Variants in RNF125 observed in about 807,000 individuals in gnomAD.
RNF125 encodes the protein ring finger protein 125.
A neutral mutation model predicts 26.0 loss-of-function variants in RNF125; 21 were observed. That is an observed-to-expected ratio of 0.81 (90% confidence interval 0.57 to 1.16). The LOEUF (loss-of-function observed/expected upper bound fraction) is 1.16. Among genes scored for constraint, RNF125 ranks in the 50% most tolerant of loss-of-function variants. The pLI, the probability that RNF125 is intolerant of heterozygous loss-of-function variation, is 0.00. For synonymous variants in RNF125, 95 were observed against 109.2 expected (o/e 0.87, Z 0.81); for missense variants, 270 against 299.4 (o/e 0.90, Z 0.72).
intron 1 of RNF125, among the ~76,000 whole-genome samples, chr18:32,022,964 A>T (rs2038998970): frequency 6.6e-6 from 1 of 151,966 alleles, no homozygotes; most frequent in African/African-American, 2.4e-5. Context: ...AACATTAAAC[A>T]TTTCCTTTAT....
chr18:32,052,472 G>T (rs1404125214), intron 4 of RNF125, among the ~76,000 whole-genome samples: 1 of 138,750 alleles, frequency 7.2e-6, no homozygotes, highest in Non-Finnish European at 1.5e-5. Context: ...TAGCCTGGGT[G>T]ACAGAGCGAG....
At chr18:32,045,579 A>G in intron 3 of RNF125, 63 bp from the exon 4 acceptor site, 2 of 1,165,882 alleles carry the variant, frequency 1.7e-6, no homozygotes, top group Non-Finnish European at 2.5e-6. Flanking sequence ...AAAAGAAAAA[A>G]AAAGTGACTA....
intron 4 of RNF125, among the ~76,000 whole-genome samples, chr18:32,047,090 G>A (rs1877842807): frequency 1.3e-5 from 2 of 151,992 alleles, no homozygotes; most frequent in Non-Finnish European, 1.5e-5. Context: ...AGGCTGGAGT[G>A]CAGTGGCTTG....
At chr18:32,027,212 A>C (rs2039045073) in intron 1 of RNF125, among the ~76,000 whole-genome samples, 2 of 150,408 alleles carry the variant, frequency 1.3e-5, no homozygotes, top group African/African-American at 4.9e-5. Context: ...TTACCACTGG[A>C]CTACAGGATG....
At chr18:32,057,370 T>C (rs2039395591) in intron 4 of RNF125, among the ~76,000 whole-genome samples, 1 of 151,532 alleles carries the variant, frequency 6.6e-6, no homozygotes, top group Non-Finnish European at 1.5e-5. Context: ...GTTTTGCTGT[T>C]GTTGCCTAGG....
chr18:32,036,458 A>G (rs2039154862), intron 1 of RNF125, among the ~76,000 whole-genome samples: 1 of 151,434 alleles, frequency 6.6e-6, no homozygotes, highest in Admixed American at 6.6e-5. Context: ...GTCTTCAACA[A>G]CTCCTATAAA....
the RNF125 span, among the ~76,000 whole-genome samples, chr18:32,078,941 GAGTC>G: frequency 6.6e-6 from 1 of 152,160 alleles, no homozygotes; most frequent in Non-Finnish European, 1.5e-5. Flanking sequence ...CACCCAAGTA[GAGTC>G]AGTCACACCA....
intron 1 of RNF125, among the ~76,000 whole-genome samples, chr18:32,035,710 T>G (rs1247728898): frequency 6.6e-6 from 1 of 152,192 alleles, no homozygotes; most frequent in Non-Finnish European, 1.5e-5. Context: ...CTGATCTTTG[T>G]TATTAGAAGT....
At position 32,042,211 on chromosome 18, in the gene RNF125, G is replaced by C; in HGVS notation, c.351G>C (p.Arg117=). The C allele has an allele frequency of 6.2e-7, 1 of 1,613,642 alleles. No homozygotes were observed. Among genetic ancestry groups the C allele is most frequent in the Non-Finnish European group, 8.5e-7 (1 of 1,179,782 alleles). The change falls in exon 3 of 6, where the codon CGG becomes CGC. Residue 117 remains arginine, a synonymous_variant. Coordinates refer to ENST00000217740, the MANE Select transcript of RNF125 (RefSeq NM_017831.4). ...VCLSEMRAHI[R]TCQKYIDKYG... Reference sequence around the variant, plus strand: ...TCAGTGAAATGAGGGCACATATTCGGACTTGTCAGAAGTACATAGATAAGT... The same window carrying C: ...TCAGTGAAATGAGGGCACATATTCGCACTTGTCAGAAGTACATAGATAAGT...
At chr18:32,051,117 T>C (rs2039322795) in intron 4 of RNF125, among the ~76,000 whole-genome samples, 1 of 152,120 alleles carries the variant, frequency 6.6e-6, no homozygotes. Flanking sequence ...CTGATACTCA[T>C]TAATTTCAGC....
chr18:32,053,156 A>C (rs2039345136), intron 4 of RNF125, among the ~76,000 whole-genome samples: 1 of 152,188 alleles, frequency 6.6e-6, no homozygotes, highest in Admixed American at 6.5e-5. Context: ...TGAGGTCGGG[A>C]GTTCGAGACC....
intron 1 of RNF125, among the ~76,000 whole-genome samples, chr18:32,020,002 CTGTGTGTG>C (rs149126113): frequency 9.3e-5 from 14 of 149,898 alleles, no homozygotes; most frequent in South Asian, 4.2e-4. Flanking sequence ...TCTCTGTTTA[CTGTGTGTG>C]TGTGTGTGTG....
At chr18:32,031,838 A>G (rs2039099944) in intron 1 of RNF125, among the ~76,000 whole-genome samples, 1 of 152,302 alleles carries the variant, frequency 6.6e-6, no homozygotes, top group African/African-American at 2.4e-5. Context: ...GTAGTGGAAT[A>G]AAAGGTTACT....
At chr18:32,064,633 C>T (rs2039467957) in intron 4 of RNF125, among the ~76,000 whole-genome samples, 1 of 151,956 alleles carries the variant, frequency 6.6e-6, no homozygotes, top group Non-Finnish European at 1.5e-5. Flanking sequence ...ATTCTCCTGC[C>T]TCAGCCTGCC....
rs2039519527 is a variant in RNF125, at chr18:32,070,025, C to CTT, written c.*1642_*1643insTT. ...TCTTTCCTTCCTCCTTCTTCTCTCT[C>CTT]TCTCTCTCTCTCTCTTTCCTTTTCT... On this transcript the variant is annotated 3_prime_UTR_variant, in exon 6 of 6. Transcript: ENST00000217740. 6.6e-6 allele frequency: 1 copy of CTT among 151,544 alleles called. No individual in the cohort carries two copies. The highest frequency in any genetic ancestry group is 1.5e-5 in the Non-Finnish European group (1 of 67,926). The allele number at this position is 151,544 out of a possible 1,614,324, so 9.4% of individuals were successfully genotyped here.
At chr18:32,049,171 T>C (rs1314112868) in intron 4 of RNF125, among the ~76,000 whole-genome samples, 2 of 152,152 alleles carry the variant, frequency 1.3e-5, no homozygotes, top group African/African-American at 4.8e-5. Flanking sequence ...TGAAGCTAGG[T>C]CCTCCATGAT....
the RNF125 span, among the ~76,000 whole-genome samples, chr18:32,086,788 G>T: frequency 6.6e-6 from 1 of 152,034 alleles, no homozygotes; most frequent in Non-Finnish European, 1.5e-5. Context: ...CAAAGTGTTG[G>T]GATTTCAGGT....
the RNF125 span, among the ~76,000 whole-genome samples, chr18:32,082,046 G>A: frequency 5.3e-5 from 8 of 152,164 alleles, no homozygotes; most frequent in Admixed American, 6.6e-5. Flanking sequence ...CCTGGCAACC[G>A]GAGTGGGAAG....
chr18:32,074,451 T>TA (rs1170138341), downstream of RNF125, among the ~76,000 whole-genome samples: 4 of 152,192 alleles, frequency 2.6e-5, 1 homozygote, highest in East Asian at 7.7e-4. Context: ...ACATTAAAAA[T>TA]ATGTGTGGAA....
Sources: gnomAD v4.1 joint callset for allele counts (sites outside exome capture counted in the v4.1 genomes callset) on GRCh38, gnomAD v4.1.1 for gene constraint, MANE v1.5 for transcripts, NCBI Gene and HGNC (gene_info 2026-07-23, HGNC 2026-07-21) for gene names.